The following POFUT1 variants were observed in gnomAD, a reference collection of about 807,000 sequenced individuals.
The protein encoded by POFUT1 is protein O-fucosyltransferase 1, also known as GDP-fucose protein O-fucosyltransferase 1.
Under a neutral mutation model 42.4 loss-of-function variants are expected in POFUT1, and 16 were observed. That is an observed-to-expected ratio of 0.38 (90% CI 0.26 to 0.57). POFUT1 has a LOEUF of 0.57. Ranked by LOEUF, POFUT1 falls within the 20% of genes least tolerant of loss-of-function variation. The probability of loss-of-function intolerance (pLI) is 0.71; values close to 1 mark genes in which losing one functional copy is unlikely to be tolerated. For synonymous variants in POFUT1, 206 were observed against 205.4 expected (o/e 1.00, Z -0.03); for missense variants, 470 against 504.6 (o/e 0.93, Z 0.66).
At chr20:32,219,865 G>A (rs756510448) in intron 4 of POFUT1, among the ~76,000 whole-genome samples, 1 of 152,118 alleles carries the variant, frequency 6.6e-6, no homozygotes, top group Non-Finnish European at 1.5e-5. Flanking sequence ...ATTCTTTTGG[G>A]TTTTCATTTT....
At chr20:32,221,806 C>T (rs1204105394) in intron 4 of POFUT1, among the ~76,000 whole-genome samples, 1 of 152,016 alleles carries the variant, frequency 6.6e-6, no homozygotes, top group Non-Finnish European at 1.5e-5. Context: ...TGCCTTCAAC[C>T]AATAACCCTT....
At chr20:32,230,702 A>G in intron 5 of POFUT1, 117 bp from the exon 6 acceptor site, 1 of 1,276,664 alleles carries the variant, frequency 7.8e-7, no homozygotes, top group Non-Finnish European at 1.1e-6. Context: ...CTCAAAAAAA[A>G]AAAAAAAATG....
At chr20:32,216,848 G>C in intron 4 of POFUT1, 127 bp downstream of exon 4, 1 of 1,433,732 alleles carries the variant, frequency 7.0e-7, no homozygotes, top group East Asian at 2.3e-5. Flanking sequence ...CAGGTGCTCT[G>C]TCTGTTGAAC....
At position 32,234,733 on chromosome 20, in the gene POFUT1, G is replaced by A. The variant is rs1472383837; in HGVS notation, c.*72G>A. ...TGAGCTGGTCCTTCCAGCCAGGCCT[G>A]GCAGCCAGAGGTGCTCCGGGATTGC... On this transcript the variant is annotated 3_prime_UTR_variant, in exon 7 of 7. Coordinates refer to ENST00000375749, the MANE Select transcript of POFUT1 (RefSeq NM_015352.2). The A allele has an allele frequency of 7.4e-7, 1 of 1,347,660 alleles. No individual in the cohort carries two copies. Among genetic ancestry groups the A allele is most frequent in the African/African-American group, 1.5e-5 (1 of 68,060 alleles). 83.5% of individuals were successfully genotyped at this position (1,347,660 alleles called of 1,614,324 possible). A position where few individuals can be genotyped will look rare whatever the true frequency, so the allele number is the denominator to read the frequency against.
chr20:32,229,991 T>C (rs2047433770), intron 5 of POFUT1, among the ~76,000 whole-genome samples: 1 of 152,132 alleles, frequency 6.6e-6, no homozygotes, highest in Admixed American at 6.5e-5. Flanking sequence ...TTGCCCAGAC[T>C]GGTCTCCAAT....
chr20:32,232,358 A>G (rs1371671956), intron 6 of POFUT1, among the ~76,000 whole-genome samples: 1 of 152,144 alleles, frequency 6.6e-6, no homozygotes, highest in African/African-American at 2.4e-5. Context: ...TATAATTAAG[A>G]GAAAATCAGA....
At chr20:32,210,600 A>G (rs1400457727) in intron 2 of POFUT1, among the ~76,000 whole-genome samples, 1 of 152,218 alleles carries the variant, frequency 6.6e-6, no homozygotes, top group Non-Finnish European at 1.5e-5. Context: ...CAAGGGTGGC[A>G]GATGCTATTA....
Position 32,238,397 on chromosome 20 carries a change from C to T in POFUT1, c.*3736C>T, listed in dbSNP as rs1338169741. The T allele has an allele frequency of 2.0e-5, 3 of 151,540 alleles. No homozygotes were observed. Among genetic ancestry groups the T allele is most frequent in the African/African-American group, 7.3e-5 (3 of 41,262 alleles). 9.4% of individuals were successfully genotyped at this position (151,540 alleles called of 1,614,324 possible). A position where few individuals can be genotyped will look rare whatever the true frequency, so the allele number is the denominator to read the frequency against. On this transcript the variant is annotated 3_prime_UTR_variant, in exon 7 of 7. Coordinates refer to ENST00000375749, the MANE Select transcript of POFUT1 (RefSeq NM_015352.2). ...CCTGGGCAACAGAGCGAGACTCCAT[C>T]TCAAAAAAAAGGAGACTTCATGTGC...
At position 32,234,179 on chromosome 20, in the gene POFUT1, G is replaced by T. The variant is rs557749164; in HGVS notation, c.979-294G>T. Among the ~76,000 whole-genome samples, 8 of 152,336 alleles carry T rather than the reference G, an allele frequency of 5.3e-5. No individual in the cohort carries two copies. In the South Asian group the frequency reaches 1.0e-3, roughly 20 times the overall value. On this transcript the variant is annotated intron_variant, in intron 6 of 6. Transcript: ENST00000375749. ...AAAATTAATAAAATAAAAGAGTCTG[G>T]TCGGTATTTTAATGGGTGTTGAAGC...
At chr20:32,214,590 C>T (rs186719251) in intron 2 of POFUT1, among the ~76,000 whole-genome samples, 3 of 152,274 alleles carry the variant, frequency 2.0e-5, no homozygotes, top group East Asian at 1.9e-4. Flanking sequence ...ATTGATGCCT[C>T]GTTATAATTG....
chr20:32,214,819 C>A (rs762605773), intron 2 of POFUT1, among the ~76,000 whole-genome samples: 60 of 152,176 alleles, frequency 3.9e-4, no homozygotes, highest in Non-Finnish European at 7.1e-4. Context: ...GCCTGTCTAT[C>A]CTAGCTTTGG....
At chr20:32,226,727 C>G (rs1030645262) in intron 4 of POFUT1, among the ~76,000 whole-genome samples, 3 of 152,168 alleles carry the variant, frequency 2.0e-5, no homozygotes, top group Middle Eastern at 3.2e-3. Flanking sequence ...CTCCCTGACC[C>G]AAGGATAATT....
At chr20:32,230,163 G>A (rs1270933627) in intron 5 of POFUT1, among the ~76,000 whole-genome samples, 5 of 151,924 alleles carry the variant, frequency 3.3e-5, no homozygotes, top group Admixed American at 6.6e-5. Flanking sequence ...CGAGGCAGGC[G>A]GATCACGAGG....
At chr20:32,210,296 G>T in intron 2 of POFUT1, 104 bp downstream of exon 2, 1 of 1,166,020 alleles carries the variant, frequency 8.6e-7, no homozygotes, top group South Asian at 1.3e-5. Context: ...ACTCCTCTGA[G>T]ATTTCCCTAC....
In POFUT1 at chr20:32,216,732, G is replaced by T. The variant is rs139014980; in HGVS notation, c.542+11G>T. 8.3e-5 allele frequency: 131 copies of T among 1,578,656 alleles called. No individual in the cohort carries two copies. The highest frequency in any genetic ancestry group is 7.2e-4 in the Admixed American group (43 of 59,922). On this transcript the variant is annotated intron_variant, in intron 4 of 6. Transcript: ENST00000375749. The stretch of plus-strand genomic sequence containing the variant: ...ACAATGGAGCCAGAGGTACTTGGAG[G>T]GGGTAGCGTTTCTGGGTTTAGGGGA...
rs2047410609 is a variant in POFUT1, at chr20:32,225,521, C to T, written c.543-2742C>T. Reference sequence around the variant, plus strand: ...AAATTTTTTTTGAGACAAGGTCTCACCCTCCCACCCTGGCTGGAGTGCAGT... The same window carrying T: ...AAATTTTTTTTGAGACAAGGTCTCATCCTCCCACCCTGGCTGGAGTGCAGT... On this transcript the variant is annotated intron_variant, in intron 4 of 6. Transcript: ENST00000375749. Among the ~76,000 whole-genome samples the T allele has an allele frequency of 1.3e-5, 2 of 152,034 alleles. 1 individual carries two copies. Among genetic ancestry groups the T allele is most frequent in the African/African-American group, 4.8e-5 (2 of 41,384 alleles).
At chr20:32,218,265 C>G (rs564887086) in intron 4 of POFUT1, among the ~76,000 whole-genome samples, 15 of 152,272 alleles carry the variant, frequency 9.9e-5, no homozygotes, top group Non-Finnish European at 2.1e-4. Context: ...GCCTCCCAAG[C>G]AGCTGGGAGT....
At chr20:32,230,739 T>C (rs1016254611) in intron 5 of POFUT1, 80 bp from the exon 6 acceptor site, 3 of 1,530,412 alleles carry the variant, frequency 2.0e-6, no homozygotes, top group Non-Finnish European at 1.8e-6. Flanking sequence ...GTATAGCCTG[T>C]CTTTTTCCAC....
Position 32,214,132 on chromosome 20 carries a change from ATT to A in POFUT1, c.247-1128_247-1127del, listed in dbSNP as rs67454108. ...GAGGAAGGTACATTAAAAAAAAAAAATTTTTTTTTTGAGACAGAGTCTCACTC... is the reference window on the plus strand; with the variant it reads ...GAGGAAGGTACATTAAAAAAAAAAAATTTTTTTTGAGACAGAGTCTCACTC... On this transcript the variant is annotated intron_variant, in intron 2 of 6. Coordinates refer to ENST00000375749, the MANE Select transcript of POFUT1 (RefSeq NM_015352.2). 4.8e-3 allele frequency among the ~76,000 whole-genome samples: 724 copies of A among 149,572 alleles called. 3 individuals are homozygous for A. The highest frequency in any genetic ancestry group is 0.016 in the African/African-American group (671 of 40,824).
Sources: allele counts gnomAD v4.1 joint callset (sites outside exome capture counted in the v4.1 genomes callset), GRCh38; gene constraint gnomAD v4.1.1; transcripts MANE v1.5; gene names NCBI Gene and HGNC (gene_info 2026-07-23, HGNC 2026-07-21).